Variants in GRIN2A observed in about 807,000 individuals in gnomAD.
The protein encoded by GRIN2A is glutamate receptor ionotropic, NMDA 2A.
In GRIN2A, 22 loss-of-function variants were observed where a neutral mutation model predicts 113.4. That is an observed-to-expected ratio of 0.19 (90% confidence interval 0.14 to 0.28). The LOEUF is 0.28. GRIN2A is among the 10% of genes least tolerant of loss of function. The pLI is 1.00. For missense variants in GRIN2A, 1,502 were observed against 1,887.0 expected (o/e 0.80, Z 3.78); for synonymous variants, 827 against 738.4 (o/e 1.12, Z -1.94).
chr16:9,968,579 C>G lies in GRIN2A; in HGVS notation c.415-30028G>C, dbSNP rs181943965. Among the ~76,000 whole-genome samples, 217 of 152,182 alleles carry G rather than the reference C, an allele frequency of 1.4e-3. 1 individual carries two copies. The highest frequency in any genetic ancestry group is 4.9e-3 in the African/African-American group (203 of 41,534). On this transcript the variant is annotated intron_variant, in intron 2 of 12. Coordinates refer to ENST00000330684, the MANE Select transcript of GRIN2A (RefSeq NM_001134407.3). ...CCACCCACCTCGGCCTCCCAAAGTGCTGGAATTACAGGCATGAGCCACCAT... is the reference window on the plus strand; with the variant it reads ...CCACCCACCTCGGCCTCCCAAAGTGGTGGAATTACAGGCATGAGCCACCAT...
intron 11 of GRIN2A, among the ~76,000 whole-genome samples, chr16:9,783,645 C>G (rs763748800): frequency 1.3e-5 from 2 of 152,004 alleles, no homozygotes; most frequent in Non-Finnish European, 2.9e-5. Flanking sequence ...CTGTGTAAAC[C>G]CAATTAGAAG....
At chr16:9,980,838 T>G (rs1596384212) in intron 2 of GRIN2A, among the ~76,000 whole-genome samples, 2 of 45,248 alleles carry the variant, frequency 4.4e-5, no homozygotes, top group African/African-American at 9.6e-5. Flanking sequence ...GGGACTGTTG[T>G]GGGGTGGGGG....
chr16:10,122,685 G>C (rs1206512923), intron 2 of GRIN2A, among the ~76,000 whole-genome samples: 2 of 152,124 alleles, frequency 1.3e-5, no homozygotes, highest in African/African-American at 2.4e-5. Flanking sequence ...CAAGATGAAA[G>C]GAAGTAGCAA....
At chr16:9,942,676 C>T (rs1334507282) in intron 2 of GRIN2A, among the ~76,000 whole-genome samples, 1 of 152,142 alleles carries the variant, frequency 6.6e-6, no homozygotes, top group Non-Finnish European at 1.5e-5. Flanking sequence ...AAATCCCCAC[C>T]ACCCCATGCA....
intron 2 of GRIN2A, among the ~76,000 whole-genome samples, chr16:9,973,645 AAAAG>A (rs2045717335): frequency 6.6e-6 from 1 of 152,226 alleles, no homozygotes; most frequent in Admixed American, 6.5e-5. Context: ...GATGAAAATC[AAAAG>A]AAAGAAAATC....
At chr16:10,004,657 A>G (rs536048554) in intron 2 of GRIN2A, among the ~76,000 whole-genome samples, 1 of 152,164 alleles carries the variant, frequency 6.6e-6, no homozygotes, top group Non-Finnish European at 1.5e-5. Flanking sequence ...TCCATCTTCA[A>G]AGCAAGAAGC....
At chr16:9,918,293 G>A (rs1006066261) in intron 3 of GRIN2A, among the ~76,000 whole-genome samples, 9 of 152,136 alleles carry the variant, frequency 5.9e-5, no homozygotes, top group African/African-American at 2.2e-4. Flanking sequence ...GATCCCCAGT[G>A]GATGCCTGAA....
At chr16:9,907,375 C>T (rs989825415) in intron 3 of GRIN2A, among the ~76,000 whole-genome samples, 10 of 152,158 alleles carry the variant, frequency 6.6e-5, no homozygotes, top group African/African-American at 2.4e-4. Flanking sequence ...CAGAAGGTTA[C>T]ACACTGTATG....
chr16:9,943,831 C>T (rs2141652246), intron 2 of GRIN2A, among the ~76,000 whole-genome samples: 1 of 152,214 alleles, frequency 6.6e-6, no homozygotes, highest in Non-Finnish European at 1.5e-5. Flanking sequence ...TGCATTGTGC[C>T]CCATGCAAGT....
At position 9,760,515 on chromosome 16, in the gene GRIN2A, A is replaced by T. The variant is rs2141119345; in HGVS notation, c.*2634T>A. 4.5e-6 allele frequency: 1 copy of T among 221,576 alleles called. No homozygotes were observed. The highest frequency in any genetic ancestry group is 1.9e-4 in the South Asian group (1 of 5,394). 13.7% of individuals were successfully genotyped at this position (221,576 alleles called of 1,614,324 possible). ...AAAAAACACTTCGGTCAGTGAAAAG[A>T]ATATATATTTTTTTCACAACATTAC... is the stretch of plus-strand genomic sequence containing the variant. On this transcript the variant is annotated 3_prime_UTR_variant, in exon 13 of 13. Transcript: ENST00000330684.
At chr16:10,060,294 C>T (rs2047529544) in intron 2 of GRIN2A, among the ~76,000 whole-genome samples, 1 of 152,190 alleles carries the variant, frequency 6.6e-6, no homozygotes, top group Non-Finnish European at 1.5e-5. Flanking sequence ...AGGTACTAGG[C>T]ACGAACCACA....
At chr16:9,838,045 A>C (rs1233994906) in intron 7 of GRIN2A, among the ~76,000 whole-genome samples, 1 of 152,230 alleles carries the variant, frequency 6.6e-6, no homozygotes, top group Admixed American at 6.5e-5. Flanking sequence ...GAAGAGAACG[A>C]AACATGAAAG....
chr16:10,073,913 C>A (rs745808600), intron 2 of GRIN2A, among the ~76,000 whole-genome samples: 8 of 106,396 alleles, frequency 7.5e-5, no homozygotes, highest in Non-Finnish European at 1.6e-4. Context: ...GAGTGAGACC[C>A]CCGTCACAAA....
chr16:10,040,379 T>G (rs189262038), intron 2 of GRIN2A, among the ~76,000 whole-genome samples: 6 of 143,890 alleles, frequency 4.2e-5, no homozygotes, highest in Admixed American at 1.4e-4. Flanking sequence ...ACACAACACA[T>G]ACATCCACAC....
At chr16:10,156,655 G>A (rs1428147972) in intron 2 of GRIN2A, among the ~76,000 whole-genome samples, 1 of 152,180 alleles carries the variant, frequency 6.6e-6, no homozygotes, top group Admixed American at 6.6e-5. Flanking sequence ...GGCAGAAGGC[G>A]ATTGCTTCAA....
chr16:9,843,032 G>C (rs1219929105), intron 5 of GRIN2A, among the ~76,000 whole-genome samples: 1 of 149,952 alleles, frequency 6.7e-6, no homozygotes, highest in East Asian at 2.0e-4. Context: ...GAGAGGGAGA[G>C]ATAGAAAGAA....
chr16:10,093,863 G>C (rs984850369), intron 2 of GRIN2A, among the ~76,000 whole-genome samples: 9 of 152,154 alleles, frequency 5.9e-5, no homozygotes, highest in South Asian at 2.1e-4. Context: ...TAAGACCGTA[G>C]GGAAGAGATT....
chr16:9,914,642 A>G (rs1301389148), intron 3 of GRIN2A, among the ~76,000 whole-genome samples: 1 of 152,240 alleles, frequency 6.6e-6, no homozygotes, highest in Non-Finnish European at 1.5e-5. Flanking sequence ...AGATGGTCCC[A>G]GAGAGAACAA....
At chr16:9,990,795 G>A (rs1005638457) in intron 2 of GRIN2A, among the ~76,000 whole-genome samples, 21 of 152,008 alleles carry the variant, frequency 1.4e-4, no homozygotes, top group African/African-American at 3.6e-4. Context: ...GGCTAGGTGC[G>A]GTGGCTCACG....
Sources: gnomAD v4.1 joint callset for allele counts (sites outside exome capture counted in the v4.1 genomes callset) on GRCh38, gnomAD v4.1.1 for gene constraint, MANE v1.5 for transcripts, NCBI Gene and HGNC (gene_info 2026-07-23, HGNC 2026-07-21) for gene names.